AKAP6: variants seen among roughly 807,000 people sequenced by gnomAD.
The protein encoded by AKAP6 is A-kinase anchor protein 6.
AKAP6 carries 58 observed loss-of-function variants against 188.5 expected under a neutral mutation model. That is an observed-to-expected ratio of 0.31 (90% CI 0.25 to 0.38). The LOEUF is 0.38. Ranked by LOEUF, AKAP6 falls within the 10% of genes least tolerant of loss-of-function variation. The probability of loss-of-function intolerance (pLI) is 1.00; values close to 1 mark genes in which losing one functional copy is unlikely to be tolerated. For missense variants in AKAP6, 2,710 were observed against 2,740.0 expected (o/e 0.99, Z 0.24); for synonymous variants, 989 against 998.6 (o/e 0.99, Z 0.18).
chr14:32,435,893 T>C (rs1390286124), intron 2 of AKAP6, among the ~76,000 whole-genome samples: 1 of 152,244 alleles, frequency 6.6e-6, no homozygotes, highest in Non-Finnish European at 1.5e-5. Flanking sequence ...GTTAAGTTTC[T>C]CTTTTATTCG....
At chr14:32,544,656 C>T (rs1212677332) in intron 3 of AKAP6, among the ~76,000 whole-genome samples, 2 of 152,172 alleles carry the variant, frequency 1.3e-5, no homozygotes, top group African/African-American at 4.8e-5. Context: ...TGGGGCCAAA[C>T]AGAAACTGGT....
chr14:32,658,538 A>C (rs536983878), intron 7 of AKAP6, among the ~76,000 whole-genome samples: 1 of 152,100 alleles, frequency 6.6e-6, no homozygotes, highest in Non-Finnish European at 1.5e-5. Flanking sequence ...TAAAGTATGC[A>C]TGTTAATTAA....
At position 32,568,312 on chromosome 14, in the gene AKAP6, A is replaced by G. The variant is rs913565390; in HGVS notation, c.2347-8808A>G. Among the ~76,000 whole-genome samples, 2 of 152,214 alleles carry G rather than the reference A, an allele frequency of 1.3e-5. No homozygotes were observed. The highest frequency in any genetic ancestry group is 2.9e-5 in the Non-Finnish European group (2 of 68,030). On this transcript the variant is annotated intron_variant, in intron 4 of 13. Coordinates refer to ENST00000280979, the MANE Select transcript of AKAP6 (RefSeq NM_004274.5). This position sits in a 1 kb window ranked among gnomAD's most constrained non-coding sequence, Gnocchi z 6.2. ...ACTATTTAATAACCACTTAATAGCTATAGGACCTTAAATAAATTACATAAC... is the reference window on the plus strand; with the variant it reads ...ACTATTTAATAACCACTTAATAGCTGTAGGACCTTAAATAAATTACATAAC...
intron 9 of AKAP6, among the ~76,000 whole-genome samples, chr14:32,697,072 A>T (rs1566652981): frequency 6.6e-6 from 1 of 152,176 alleles, no homozygotes; most frequent in African/African-American, 2.4e-5. Flanking sequence ...GTTTTTAAAA[A>T]TTTCTTATAG....
chr14:32,413,116 A>G (rs771823303), intron 1 of AKAP6, among the ~76,000 whole-genome samples: 21 of 151,852 alleles, frequency 1.4e-4, no homozygotes, highest in Non-Finnish European at 8.8e-5. Flanking sequence ...ATGTTATGTA[A>G]GAATAGCATC....
intron 13 of AKAP6, among the ~76,000 whole-genome samples, chr14:32,826,918 A>G (rs2034688498): frequency 6.6e-6 from 1 of 151,950 alleles, no homozygotes; most frequent in Non-Finnish European, 1.5e-5. Context: ...CTTCTGCAGA[A>G]CTCACATCGC....
chr14:32,540,168 C>CTCTCTCTCTCTCTATATATATATA (rs1240063339), intron 3 of AKAP6, among the ~76,000 whole-genome samples: 5 of 60,920 alleles, frequency 8.2e-5, no homozygotes, highest in African/African-American at 4.9e-4. Context: ...CTCTCTCTCT[C>CTCTCTCTCTCTCTATATATATATA]TATATATATA....
rs757851490 is a variant in AKAP6 at position 32,433,513 on chromosome 14, C to T, written c.20C>T (p.Thr7Ile). The change falls in exon 2 of 14, where the codon ACA becomes ATA. Residue 7 changes from threonine to isoleucine, a missense_variant. By Grantham distance (89) the Thr-to-Ile change is moderately conservative. Transcript: ENST00000280979. ...TTCTCCATGTTAACCATGAGCGTGACACTTTCCCCCCTGAGGTCACAGGAC... is the reference window on the plus strand; with the variant it reads ...TTCTCCATGTTAACCATGAGCGTGATACTTTCCCCCCTGAGGTCACAGGAC... The part of the protein sequence containing the change: MLTMSV[T>I]LSPLRSQDLD... 3 of 1,614,060 alleles carry T rather than the reference C, an allele frequency of 1.9e-6. No individual in the cohort carries two copies. The Admixed American group carries it at 5.0e-5, about 27-fold the overall frequency.
At chr14:32,628,366 G>T (rs1887111577) in intron 7 of AKAP6, among the ~76,000 whole-genome samples, 1 of 152,084 alleles carries the variant, frequency 6.6e-6, no homozygotes, top group Non-Finnish European at 1.5e-5. Flanking sequence ...CGGGCACCAA[G>T]AAGTAATGAA....
At chr14:32,381,779 A>G (rs558759340) in intron 1 of AKAP6, among the ~76,000 whole-genome samples, 3 of 152,144 alleles carry the variant, frequency 2.0e-5, no homozygotes, top group South Asian at 2.1e-4. Flanking sequence ...CTTTTCTTCT[A>G]ACTTACCTCA....
At chr14:32,356,280 G>A (rs959372261) in intron 1 of AKAP6, among the ~76,000 whole-genome samples, 3 of 152,068 alleles carry the variant, frequency 2.0e-5, no homozygotes, top group Non-Finnish European at 4.4e-5. Flanking sequence ...TCTCCTTAGG[G>A]TTTCTCATCC....
intron 1 of AKAP6, among the ~76,000 whole-genome samples, chr14:32,372,770 C>CTGTGTGTGTG (rs3031400): frequency 1.1e-4 from 16 of 147,484 alleles, no homozygotes; most frequent in African/African-American, 4.0e-4. Context: ...TTTTGTTGCT[C>CTGTGTGTGTG]TGTGTGTGTG....
At chr14:32,798,750 A>G (rs2033850091) in intron 12 of AKAP6, among the ~76,000 whole-genome samples, 1 of 152,144 alleles carries the variant, frequency 6.6e-6, no homozygotes, top group African/African-American at 2.4e-5. Flanking sequence ...AGGGTAGAAT[A>G]AAAAAACTAC....
intron 4 of AKAP6, among the ~76,000 whole-genome samples, chr14:32,562,782 G>C (rs768042394): frequency 3.3e-5 from 5 of 152,104 alleles, no homozygotes; most frequent in Non-Finnish European, 7.4e-5. Context: ...TAGGTAGATA[G>C]ATAAATAAAT....
chr14:32,553,432 G>A (rs1267084804), intron 4 of AKAP6, among the ~76,000 whole-genome samples: 2 of 151,932 alleles, frequency 1.3e-5, no homozygotes, highest in African/African-American at 2.4e-5. Flanking sequence ...TTGGCCTCCC[G>A]AAGTGCTGTG....
chr14:32,650,540 G>A (rs1214567292), intron 7 of AKAP6, among the ~76,000 whole-genome samples: 1 of 152,110 alleles, frequency 6.6e-6, no homozygotes, highest in Admixed American at 6.6e-5. Context: ...GAACTTGGGA[G>A]GTGGAGATTG....
At chr14:32,471,356 A>G (rs779670928) in intron 2 of AKAP6, among the ~76,000 whole-genome samples, 1 of 152,224 alleles carries the variant, frequency 6.6e-6, no homozygotes, top group Non-Finnish European at 1.5e-5. Context: ...AGCTAAAGAT[A>G]GTAGAAGTCA....
At position 32,822,480 on chromosome 14, in the gene AKAP6, C is replaced by G; in HGVS notation, c.4667C>G (p.Ala1556Gly). 6 of 1,614,012 alleles carry G rather than the reference C, an allele frequency of 3.7e-6. No individual in the cohort carries two copies. Among genetic ancestry groups the G allele is most frequent in the Non-Finnish European group, 5.1e-6 (6 of 1,179,956 alleles). The change falls in exon 13 of 14, where the codon GCC becomes GGC. Residue 1556 changes from alanine (A) to glycine (G), a missense_variant. Physicochemically the swap from Ala to Gly is moderately conservative, Grantham distance 60. Transcript: ENST00000280979. ...IEKTFTGMQN[A>G]KQLSLLSHSS... is the part of the protein sequence containing the mutation. ...AAGACATTCACTGGCATGCAGAATG[C>G]CAAACAGCTCTCCCTTTTATCTCAT...
rs115150696 is a variant in AKAP6, at chr14:32,768,961, G to A, written c.3373-4717G>A. Among the ~76,000 whole-genome samples, 944 of 150,382 alleles carry A rather than the reference G, an allele frequency of 6.3e-3. 10 individuals carry two copies. The highest frequency in any genetic ancestry group is 0.022 in the African/African-American group (897 of 40,898). On this transcript the variant is annotated intron_variant, in intron 11 of 13. Transcript: ENST00000280979. ...GTTGTAGAAAATCTGGTCATAGGTA[G>A]CAGACAAAGAGGAGACAGCAAAACA...
Sources: gnomAD v4.1 joint callset for allele counts (sites outside exome capture counted in the v4.1 genomes callset) on GRCh38, gnomAD v4.1.1 for gene constraint, Gnocchi (gnomAD v3.1) non-coding constraint, MANE v1.5 for transcripts, NCBI Gene and HGNC (gene_info 2026-07-23, HGNC 2026-07-21) for gene names.